SRGAP3: variants seen among roughly 807,000 people sequenced by gnomAD.
SRGAP3 encodes SLIT-ROBO Rho GTPase activating protein 3, also known as SLIT-ROBO Rho GTPase-activating protein 3.
SRGAP3 carries 39 observed loss-of-function variants against 121.1 expected under a neutral mutation model. That is an observed-to-expected ratio of 0.32 (90% CI 0.25 to 0.42). The LOEUF (loss-of-function observed/expected upper bound fraction) is 0.42. Among genes scored for constraint, SRGAP3 ranks in the 10% least tolerant of loss-of-function variants. The probability of loss-of-function intolerance (pLI) is 1.00; values close to 1 mark genes in which losing one functional copy is unlikely to be tolerated. For synonymous variants in SRGAP3, 601 were observed against 570.0 expected, an observed-to-expected ratio of 1.05 and a Z score of -0.77; for missense variants, 1,213 against 1,470.6, an observed-to-expected ratio of 0.82 and a Z score of 2.86.
intron 15 of SRGAP3, 115 bp downstream of exon 15, chr3:9,015,482 C>T: frequency 2.2e-6 from 3 of 1,380,204 alleles, no homozygotes; most frequent in Non-Finnish European, 3.0e-6. Context: ...GGATGCACGT[C>T]ACACTTCGCC....
rs1949907497 is a variant in SRGAP3, at chr3:9,142,898, C to T, written c.68-17981G>A. Among the ~76,000 whole-genome samples the T allele has an allele frequency of 2.4e-5, 3 of 124,030 alleles. No individual in the cohort carries two copies. In the Admixed American group the frequency reaches 3.3e-4, roughly 14 times the overall value. The allele number at this position is 124,030 out of a possible 152,430, so 81.4% of individuals were successfully genotyped here. On this transcript the variant is annotated intron_variant, in intron 1 of 21. Coordinates refer to ENST00000383836, the MANE Select transcript of SRGAP3 (RefSeq NM_014850.4). ...TGTCACCCAGCCTGGAGTATAGTGG[C>T]GTGATCTCGGCTCACTGCAGCCTTG...
intron 1 of SRGAP3, among the ~76,000 whole-genome samples, chr3:9,172,008 C>T (rs1950995955): frequency 6.6e-6 from 1 of 151,828 alleles, no homozygotes; most frequent in African/African-American, 2.4e-5. Flanking sequence ...TGGCCTTCTC[C>T]TTGTGTATGT....
intron 1 of SRGAP3, among the ~76,000 whole-genome samples, chr3:9,175,874 C>A (rs1382741293): frequency 6.6e-6 from 1 of 152,200 alleles, no homozygotes; most frequent in African/African-American, 2.4e-5. Context: ...ACATATCAGA[C>A]TGGCAGGGGT....
At chr3:8,988,711 C>G (rs146421275) in intron 21 of SRGAP3, among the ~76,000 whole-genome samples, 11 of 151,958 alleles carry the variant, frequency 7.2e-5, no homozygotes, top group Middle Eastern at 3.4e-3. Context: ...GGACCGTTTA[C>G]GTGGAAGACA....
intron 5 of SRGAP3, among the ~76,000 whole-genome samples, chr3:9,060,591 AGTTTTT>A (rs1344585472): frequency 6.6e-6 from 1 of 151,694 alleles, no homozygotes; most frequent in African/African-American, 2.4e-5. Context: ...ACACCTGGCT[AGTTTTT>A]GTTTTTGTTT....
intron 1 of SRGAP3, among the ~76,000 whole-genome samples, chr3:9,200,400 G>C (rs933126776): frequency 6.6e-6 from 1 of 151,974 alleles, no homozygotes; most frequent in African/African-American, 2.4e-5. Context: ...CTATATTCTA[G>C]CACAAATAGA....
chr3:9,136,009 G>C (rs1011691096), intron 1 of SRGAP3, among the ~76,000 whole-genome samples: 1 of 152,232 alleles, frequency 6.6e-6, no homozygotes, highest in Non-Finnish European at 1.5e-5. Flanking sequence ...GTCATGGACC[G>C]TGAGCACCAG....
intron 3 of SRGAP3, among the ~76,000 whole-genome samples, chr3:9,286,688 C>T (rs1330017979): frequency 3.3e-5 from 5 of 150,880 alleles, no homozygotes; most frequent in Non-Finnish European, 5.9e-5. Flanking sequence ...CTACAAGCTT[C>T]GCCTCCCGGG....
intron 3 of SRGAP3, among the ~76,000 whole-genome samples, chr3:9,254,745 G>C (rs1335020527): frequency 6.6e-6 from 1 of 151,218 alleles, no homozygotes; most frequent in East Asian, 2.0e-4. Context: ...GCAGTGAGCT[G>C]TGACTGCAAT....
At position 9,243,002 on chromosome 3, in the gene SRGAP3, C is replaced by T. The variant is rs374865737; in HGVS notation, c.67+5883G>A. On this transcript the variant is annotated intron_variant, in intron 1 of 21. Transcript: ENST00000383836. The stretch of plus-strand genomic sequence containing the variant: ...GCCCAGCCTAAACTTATTTTAGTAA[C>T]TTATCAGCCACTCCTTCAACCAATC... 5.9e-5 allele frequency among the ~76,000 whole-genome samples: 9 copies of T among 152,258 alleles called. No homozygotes were observed. The East Asian group carries it at 1.7e-3, about 29-fold the overall frequency.
chr3:9,135,708 G>A (rs1949619299), intron 1 of SRGAP3, among the ~76,000 whole-genome samples: 1 of 152,388 alleles, frequency 6.6e-6, no homozygotes, highest in South Asian at 2.1e-4. Flanking sequence ...TGCACATGAT[G>A]TGCCAGGCAC....
chr3:9,035,388 G>A (rs1944698907), intron 11 of SRGAP3: 1 of 170,314 alleles, frequency 5.9e-6, no homozygotes, highest in Admixed American at 6.4e-5. Flanking sequence ...AAAGGACTGT[G>A]TGAATCACAC....
At chr3:9,304,671 TCTCCC>T (rs1428519522) in intron 3 of SRGAP3, among the ~76,000 whole-genome samples, 1 of 152,022 alleles carries the variant, frequency 6.6e-6, no homozygotes, top group African/African-American at 2.4e-5. Flanking sequence ...CATTTGGGCT[TCTCCC>T]CCTCCGCACT....
chr3:9,023,229 C>A (rs1944014166), intron 14 of SRGAP3, among the ~76,000 whole-genome samples: 1 of 152,092 alleles, frequency 6.6e-6, no homozygotes, highest in South Asian at 2.1e-4. Context: ...AGGCAACCAG[C>A]AAAGGTTCCA....
chr3:9,221,453 C>T (rs2125199720), intron 1 of SRGAP3, among the ~76,000 whole-genome samples: 1 of 152,316 alleles, frequency 6.6e-6, no homozygotes, highest in Non-Finnish European at 1.5e-5. Flanking sequence ...AGGAGGAATG[C>T]TTGACCCTTG....
At chr3:9,033,798 C>A (rs4684622) in intron 11 of SRGAP3, 68,249 of 152,002 alleles carry the variant, frequency 0.45, 15,468 homozygotes, top group East Asian at 0.68. Context: ...TGCATGTGGC[C>A]CCATTTTACA....
chr3:9,323,015 T>C, intron 3 of SRGAP3, among the ~76,000 whole-genome samples: 1 of 151,856 alleles, frequency 6.6e-6, no homozygotes, highest in Non-Finnish European at 1.5e-5. Context: ...TTCATACATA[T>C]AACACAGATA....
intron 3 of SRGAP3, among the ~76,000 whole-genome samples, chr3:9,088,155 A>G (rs1011612639): frequency 1.2e-4 from 19 of 152,144 alleles, no homozygotes; most frequent in Non-Finnish European, 2.4e-4. Flanking sequence ...TAGGAACCTA[A>G]GTGATAATGT....
chr3:9,277,716 G>A (rs1249628623), intron 3 of SRGAP3, among the ~76,000 whole-genome samples: 1 of 152,042 alleles, frequency 6.6e-6, no homozygotes, highest in Non-Finnish European at 1.5e-5. Context: ...GGAATGTGAA[G>A]GTTGCAGTGA....
Sources: allele counts gnomAD v4.1 joint callset (sites outside exome capture counted in the v4.1 genomes callset), GRCh38; gene constraint gnomAD v4.1.1; transcripts MANE v1.5; gene names NCBI Gene and HGNC (gene_info 2026-07-23, HGNC 2026-07-21).